DMD: variants seen among roughly 807,000 people sequenced by gnomAD.
DMD encodes the protein mutant dystrophin.
Under a neutral mutation model 330.1 loss-of-function variants are expected in DMD, and 63 were observed. The ratio of observed to expected loss-of-function variants is 0.19; its 90% CI spans 0.16 to 0.24. The LOEUF is 0.24. Among genes scored for constraint, DMD ranks in the 10% least tolerant of loss-of-function variants. DMD has a pLI of 1.00. For missense variants in DMD, 3,344 were observed against 2,684.1 expected, an observed-to-expected ratio of 1.25 and a Z score of -5.43; for synonymous variants, 1,223 against 959.8, an observed-to-expected ratio of 1.27 and a Z score of -5.07.
intron 51 of DMD, among the ~76,000 whole-genome samples, chrX:31,770,400 A>G (rs752701214): frequency 1.4e-3 from 154 of 111,306 alleles, no homozygotes; most frequent in African/African-American, 5.0e-3. Flanking sequence ...CTCATCATAT[A>G]CCCTTAACTT....
intron 2 of DMD, among the ~76,000 whole-genome samples, chrX:32,867,561 A>T (rs1219999301): frequency 1.8e-5 from 2 of 112,314 alleles, no homozygotes; most frequent in Non-Finnish European, 3.8e-5. Context: ...GCTTTATTAC[A>T]TAACTACAAA....
At chrX:31,178,109 G>A (rs1255866917) in intron 70 of DMD, 139 bp from the exon 71 acceptor site, 1 of 1,098,427 alleles carries the variant, frequency 9.1e-7, no homozygotes, top group Non-Finnish European at 1.2e-6. Context: ...AAGGTGTAAA[G>A]TGAATTAAAA....
chrX:32,508,980 T>G (rs1336753964), intron 18 of DMD, among the ~76,000 whole-genome samples: 1 of 108,834 alleles, frequency 9.2e-6, no homozygotes, highest in African/African-American at 3.4e-5. Flanking sequence ...CCGGCTAATT[T>G]TTTGTATTTT....
intron 11 of DMD, among the ~76,000 whole-genome samples, chrX:32,641,777 G>A (rs763640055): frequency 1.7e-3 from 188 of 110,699 alleles, no homozygotes; most frequent in African/African-American, 5.8e-3. Flanking sequence ...AATGGCTTCC[G>A]ACTGGATCTA....
At chrX:32,888,659 G>T (rs764503857) in intron 2 of DMD, among the ~76,000 whole-genome samples, 83 of 111,732 alleles carry the variant, frequency 7.4e-4, no homozygotes, top group African/African-American at 2.7e-3. Flanking sequence ...TCACTACTGG[G>T]TACATACCTA....
At chrX:31,926,941 C>G (rs1312091336) in intron 47 of DMD, among the ~76,000 whole-genome samples, 1 of 111,275 alleles carries the variant, frequency 9.0e-6, no homozygotes, top group Non-Finnish European at 1.9e-5. Flanking sequence ...AGGGGGTCCG[C>G]TTTATTTCTA....
chrX:32,495,618 T>C (rs1215314438), intron 19 of DMD, among the ~76,000 whole-genome samples: 1 of 112,046 alleles, frequency 8.9e-6, no homozygotes, highest in Admixed American at 9.5e-5. Flanking sequence ...AGAACTACTG[T>C]TGATTTTCTA....
intron 44 of DMD, among the ~76,000 whole-genome samples, chrX:32,142,197 G>T (rs1182554034): frequency 9.0e-6 from 1 of 111,173 alleles, no homozygotes; most frequent in Non-Finnish European, 1.9e-5. Flanking sequence ...TAGAAGACAC[G>T]ATTGCAGAGG....
intron 2 of DMD, among the ~76,000 whole-genome samples, chrX:32,976,715 T>C (rs1185616382): frequency 3.6e-5 from 4 of 111,898 alleles, no homozygotes; most frequent in Non-Finnish European, 5.6e-5. Context: ...TAGGTACAGG[T>C]ACTACATTTA....
In DMD at chrX:33,038,989, G is replaced by A. The variant is rs1316339496; in HGVS notation, c.32-18789C>T. Among the ~76,000 whole-genome samples, 3 of 110,716 alleles carry A rather than the reference G, an allele frequency of 2.7e-5. No homozygotes were observed. The East Asian group carries it at 8.5e-4, about 32-fold the overall frequency. On this transcript the variant is annotated intron_variant, in intron 1 of 78. Transcript: ENST00000357033. ...AGCCTGGGTGACAGAGCGAGGCTTC[G>A]TCTCAAAAAAGAAAAAAAAGAAAAA... is the stretch of plus-strand genomic sequence containing the variant.
intron 50 of DMD, among the ~76,000 whole-genome samples, chrX:31,814,829 T>C (rs2092577133): frequency 8.9e-6 from 1 of 111,973 alleles, no homozygotes; most frequent in Non-Finnish European, 1.9e-5. Context: ...TGTGAAAGTC[T>C]CTAGAGGAAC....
intron 57 of DMD, among the ~76,000 whole-genome samples, chrX:31,495,688 A>T (rs1285722566): frequency 8.9e-6 from 1 of 111,765 alleles, no homozygotes; most frequent in Non-Finnish European, 1.9e-5. Flanking sequence ...AGTGCAAAAC[A>T]TTTTTTTCAT....
intron 51 of DMD, among the ~76,000 whole-genome samples, chrX:31,734,223 TA>T (rs1198308795): frequency 1.5e-4 from 16 of 107,520 alleles, no homozygotes; most frequent in African/African-American, 4.3e-4. Flanking sequence ...TTTATATATA[TA>T]TATTTTTTTT....
At chrX:32,876,535 C>T (rs191771409) in intron 2 of DMD, among the ~76,000 whole-genome samples, 1 of 111,462 alleles carries the variant, frequency 9.0e-6, no homozygotes, top group East Asian at 2.8e-4. Context: ...TGTGCCTTGC[C>T]ATTCCTTTAT....
chrX:32,390,944 G>A (rs772908964), intron 30 of DMD, among the ~76,000 whole-genome samples: 86 of 111,736 alleles, frequency 7.7e-4, no homozygotes, highest in Admixed American at 2.0e-3. Flanking sequence ...GATATTTGAT[G>A]GCTTCCGGCA....
chrX:32,466,091 T>C (rs978679173), intron 23 of DMD, among the ~76,000 whole-genome samples: 12 of 111,489 alleles, frequency 1.1e-4, no homozygotes, highest in Admixed American at 5.7e-4. Flanking sequence ...AAGTTTTTAT[T>C]GTTATTATTA....
chrX:32,458,649 A>G (rs1407367437), intron 25 of DMD, among the ~76,000 whole-genome samples: 1 of 111,425 alleles, frequency 9.0e-6, no homozygotes, highest in Admixed American at 9.6e-5. Context: ...CATTCTTGCC[A>G]ACACTTAGTA....
At chrX:31,339,469 A>C (rs752537492) in intron 61 of DMD, among the ~76,000 whole-genome samples, 1 of 112,107 alleles carries the variant, frequency 8.9e-6, no homozygotes, top group East Asian at 2.8e-4. Flanking sequence ...AAACTGGCTC[A>C]AATCATTTCA....
intron 44 of DMD, among the ~76,000 whole-genome samples, chrX:32,185,953 A>T (rs2096944356): frequency 9.0e-6 from 1 of 110,518 alleles, no homozygotes; most frequent in Non-Finnish European, 1.9e-5. Flanking sequence ...CCTCTCGGAG[A>T]TCTTAAAAAT....
Sources: gnomAD v4.1 joint callset for allele counts (sites outside exome capture counted in the v4.1 genomes callset) on GRCh38, gnomAD v4.1.1 for gene constraint, MANE v1.5 for transcripts, NCBI Gene and HGNC (gene_info 2026-07-23, HGNC 2026-07-21) for gene names.